Variants in GTF2F2 observed in about 807,000 individuals in gnomAD.
GTF2F2 encodes the protein ATP-dependent helicase GTF2F2.
A neutral mutation model predicts 42.2 loss-of-function variants in GTF2F2; 23 were observed. The ratio of observed to expected loss-of-function variants is 0.55; its 90% CI spans 0.39 to 0.77. GTF2F2 has a LOEUF of 0.77. GTF2F2 is among the 30% of genes least tolerant of loss of function. The pLI is 0.00. For synonymous variants in GTF2F2, 105 were observed against 100.8 expected (o/e 1.04, Z -0.25); for missense variants, 261 against 287.2 (o/e 0.91, Z 0.66).
intron 7 of GTF2F2, among the ~76,000 whole-genome samples, chr13:45,274,258 AT>A (rs1876926003): frequency 6.6e-6 from 1 of 151,812 alleles, no homozygotes; most frequent in Non-Finnish European, 1.5e-5. Flanking sequence ...AATTTGTTTT[AT>A]AAGCTGAAGC....
intron 1 of GTF2F2, among the ~76,000 whole-genome samples, chr13:45,135,841 T>G (rs1261727096): frequency 6.6e-6 from 1 of 152,248 alleles, no homozygotes; most frequent in Non-Finnish European, 1.5e-5. Context: ...TGCTTTATAC[T>G]TGGTGTATCT....
chr13:45,219,760 A>G (rs1401049894), intron 5 of GTF2F2: 1 of 152,194 alleles, frequency 6.6e-6, no homozygotes, highest in East Asian at 1.9e-4. Flanking sequence ...AATGTACCCC[A>G]GATATTTCTA....
At chr13:45,221,664 A>G (rs928086730) in intron 5 of GTF2F2, among the ~76,000 whole-genome samples, 8 of 152,084 alleles carry the variant, frequency 5.3e-5, no homozygotes, top group Middle Eastern at 3.4e-3. Flanking sequence ...CCTTCCCCCT[A>G]TGGACCATCC....
rs563992884 is a variant in GTF2F2, at chr13:45,184,930, G to A, written c.305-22494G>A. ...GTGCTCAAGCGATCTTCCCACCTCC[G>A]CCTCCTGAGTAGCTGGAACTATAGG... On this transcript the variant is annotated intron_variant, in intron 4 of 7. Coordinates refer to ENST00000340473, the MANE Select transcript of GTF2F2 (RefSeq NM_004128.3). 5.3e-5 allele frequency among the ~76,000 whole-genome samples: 8 copies of A among 152,190 alleles called. No individual in the cohort carries two copies. The East Asian group carries it at 1.2e-3, about 22-fold the overall frequency.
chr13:45,146,256 G>A lies in GTF2F2; in HGVS notation c.141-3514G>A, dbSNP rs559746973. On this transcript the variant is annotated intron_variant, in intron 2 of 7. Coordinates refer to ENST00000340473, the MANE Select transcript of GTF2F2 (RefSeq NM_004128.3). ...TATATCTGTAATCTCAGCACTTTGC[G>A]AGGCCAAGGCAGGAGGATCACTTGA... is the stretch of plus-strand genomic sequence containing the variant. Among the ~76,000 whole-genome samples the A allele has an allele frequency of 2.6e-5, 4 of 152,220 alleles. No homozygotes were observed. In the East Asian group the frequency reaches 5.8e-4, roughly 22 times the overall value.
At chr13:45,223,581 TATC>T (rs762914013) in intron 5 of GTF2F2, among the ~76,000 whole-genome samples, 24 of 152,338 alleles carry the variant, frequency 1.6e-4, no homozygotes, top group Non-Finnish European at 2.9e-4. Context: ...CTATTTGTGT[TATC>T]ATTAACGCAT....
intron 4 of GTF2F2, among the ~76,000 whole-genome samples, chr13:45,203,449 G>A (rs1873293916): frequency 1.3e-5 from 2 of 152,050 alleles, no homozygotes; most frequent in African/African-American, 4.8e-5. Flanking sequence ...TAGACACTGT[G>A]AAACTATCTA....
chr13:45,237,854 T>C (rs772092483), intron 5 of GTF2F2, among the ~76,000 whole-genome samples: 22 of 152,246 alleles, frequency 1.4e-4, no homozygotes, highest in Non-Finnish European at 2.1e-4. Context: ...TAAACATTAC[T>C]GGTTCTTCTG....
At chr13:45,138,739 G>A (rs918268472) in intron 2 of GTF2F2, among the ~76,000 whole-genome samples, 1 of 152,146 alleles carries the variant, frequency 6.6e-6, no homozygotes. Flanking sequence ...TCTGCCTCCC[G>A]GGTTCAAGCG....
intron 4 of GTF2F2, chr13:45,194,156 T>C: frequency 6.2e-7 from 1 of 1,614,156 alleles, no homozygotes; most frequent in South Asian, 1.1e-5. Flanking sequence ...GTAGTCTCTC[T>C]GGGTGTTAGC....
In GTF2F2 at chr13:45,260,431, GA is replaced by G. The variant is rs1239372887; in HGVS notation, c.487-6800del. Reference sequence around the variant, plus strand: ...GATAATGACACACTAGGCAGAAATAGAAGCATTAGTTGAGGGGAGGGGGAAT... The same window carrying G: ...GATAATGACACACTAGGCAGAAATAGAGCATTAGTTGAGGGGAGGGGGAAT... On this transcript the variant is annotated intron_variant, in intron 6 of 7. Transcript: ENST00000340473. Among the ~76,000 whole-genome samples the G allele has an allele frequency of 3.9e-5, 6 of 152,166 alleles. 1 individual carries two copies. The highest frequency in any genetic ancestry group is 3.9e-4 in the Admixed American group (6 of 15,278).
intron 5 of GTF2F2, among the ~76,000 whole-genome samples, chr13:45,238,451 G>C (rs1204281091): frequency 6.6e-6 from 1 of 152,082 alleles, no homozygotes; most frequent in African/African-American, 2.4e-5. Flanking sequence ...AGTGTCTAGA[G>C]TGCGTGATTA....
chr13:45,246,110 G>A (rs1269654896), intron 5 of GTF2F2, among the ~76,000 whole-genome samples: 1 of 150,304 alleles, frequency 6.7e-6, no homozygotes. Flanking sequence ...CCGGGTTCAC[G>A]CCATTCTCCT....
At chr13:45,282,703 C>T (rs1296459440) in intron 7 of GTF2F2, among the ~76,000 whole-genome samples, 3 of 152,126 alleles carry the variant, frequency 2.0e-5, no homozygotes, top group Admixed American at 1.3e-4. Flanking sequence ...CGGGGTTTCA[C>T]CATGTTGGCC....
At chr13:45,178,453 G>T (rs1871989592) in intron 4 of GTF2F2, among the ~76,000 whole-genome samples, 1 of 146,740 alleles carries the variant, frequency 6.8e-6, no homozygotes, top group Non-Finnish European at 1.5e-5. Context: ...TCACAGTCCA[G>T]TTGTTTTATA....
Position 45,283,712 on chromosome 13 carries a change from T to C in GTF2F2, c.*151T>C. The stretch of plus-strand genomic sequence containing the variant: ...GTAAATTTTTTAAACCTGTAATTCT[T>C]GTAAAGTTTCTTAACTGTTTTTTTG... On this transcript the variant is annotated 3_prime_UTR_variant, in exon 8 of 8. Coordinates refer to ENST00000340473, the MANE Select transcript of GTF2F2 (RefSeq NM_004128.3). The C allele has an allele frequency of 2.1e-6, 1 of 483,920 alleles. No homozygotes were observed. Among genetic ancestry groups the C allele is most frequent in the Non-Finnish European group, 3.4e-6 (1 of 296,518 alleles). The allele number at this position is 483,920 out of a possible 1,614,324, so 30.0% of individuals were successfully genotyped here.
chr13:45,169,959 A>G (rs867652084), intron 4 of GTF2F2, among the ~76,000 whole-genome samples: 5 of 152,248 alleles, frequency 3.3e-5, no homozygotes, highest in Non-Finnish European at 5.9e-5. Context: ...GGTTTTTAAC[A>G]CAAACCAGAG....
At chr13:45,267,891 G>T (rs1876634660) in intron 7 of GTF2F2, among the ~76,000 whole-genome samples, 1 of 148,606 alleles carries the variant, frequency 6.7e-6, no homozygotes, top group Non-Finnish European at 1.5e-5. Flanking sequence ...AATTATGCTT[G>T]CAGAGATTGT....
At chr13:45,234,916 A>G (rs1874878453) in intron 5 of GTF2F2, among the ~76,000 whole-genome samples, 1 of 151,952 alleles carries the variant, frequency 6.6e-6, no homozygotes, top group Admixed American at 6.6e-5. Context: ...ATGGTGGCGC[A>G]TGCCTGTAAT....
Sources: allele counts gnomAD v4.1 joint callset (sites outside exome capture counted in the v4.1 genomes callset), GRCh38; gene constraint gnomAD v4.1.1; transcripts MANE v1.5; gene names NCBI Gene and HGNC (gene_info 2026-07-23, HGNC 2026-07-21).